LRRIQ3: variants seen among roughly 807,000 people sequenced by gnomAD.
LRRIQ3 encodes leucine-rich repeat and IQ domain-containing protein 3.
In LRRIQ3, 75 loss-of-function variants were observed where a neutral mutation model predicts 59.3. The ratio of observed to expected loss-of-function variants is 1.26; its 90% CI spans 1.05 to 1.53. LRRIQ3 has a LOEUF of 1.53. Among genes scored for constraint, LRRIQ3 ranks in the 40% most tolerant of loss-of-function variants. The probability of loss-of-function intolerance (pLI) is 0.00; values close to 1 mark genes in which losing one functional copy is unlikely to be tolerated. For missense variants in LRRIQ3, 831 were observed against 710.0 expected, an observed-to-expected ratio of 1.17 and a Z score of -1.94; for synonymous variants, 250 against 231.3, an observed-to-expected ratio of 1.08 and a Z score of -0.73.
At chr1:74,061,911 G>A (rs1190280030) in intron 6 of LRRIQ3, among the ~76,000 whole-genome samples, 1 of 152,112 alleles carries the variant, frequency 6.6e-6, no homozygotes, top group Non-Finnish European at 1.5e-5. Context: ...GCACATGCCT[G>A]TAGTCACAGC....
At chr1:74,183,816 C>G in intron 1 of LRRIQ3, 132 bp from the exon 2 acceptor site, 3 of 670,388 alleles carry the variant, frequency 4.5e-6, no homozygotes, top group Non-Finnish European at 6.8e-6. Flanking sequence ...AAAACTCATT[C>G]TTATAGAACT....
chr1:74,134,746 C>CA (rs1249603437), intron 4 of LRRIQ3, among the ~76,000 whole-genome samples: 4 of 149,312 alleles, frequency 2.7e-5, no homozygotes, highest in Admixed American at 2.0e-4. Flanking sequence ...GAGAAAATAA[C>CA]AAAAAACACA....
chr1:74,170,411 T>C (rs2100698038), intron 3 of LRRIQ3, among the ~76,000 whole-genome samples: 1 of 152,326 alleles, frequency 6.6e-6, no homozygotes, highest in African/African-American at 2.4e-5. Context: ...ACATCATCTA[T>C]TGAAGAGAAT....
In LRRIQ3 at chr1:74,122,155, C is replaced by T. The variant is rs1646868480; in HGVS notation, c.708-12602G>A. On this transcript the variant is annotated intron_variant, in intron 4 of 7. Coordinates refer to ENST00000354431, the MANE Select transcript of LRRIQ3 (RefSeq NM_001105659.2). ...CTAGTTCTAGATCCCTGAGGAATCG[C>T]CACACTGACTTCCACAATGGTTGAA... Among the ~76,000 whole-genome samples, 3 of 152,274 alleles carry T rather than the reference C, an allele frequency of 2.0e-5. No homozygotes were observed. In the South Asian group the frequency reaches 6.2e-4, roughly 32 times the overall value.
chr1:74,197,298 T>A (rs1259498336), intron 1 of LRRIQ3, among the ~76,000 whole-genome samples: 1 of 152,178 alleles, frequency 6.6e-6, no homozygotes, highest in Non-Finnish European at 1.5e-5. Context: ...AATCAAACGG[T>A]ATGGTGAAAT....
chr1:74,038,462 C>G (rs529094611), intron 7 of LRRIQ3, among the ~76,000 whole-genome samples: 2 of 152,312 alleles, frequency 1.3e-5, no homozygotes, highest in Non-Finnish European at 2.9e-5. Flanking sequence ...AAGGGATGGT[C>G]AAAGTGCTTC....
At chr1:74,065,862 A>C (rs1390749309) in intron 6 of LRRIQ3, among the ~76,000 whole-genome samples, 1 of 152,156 alleles carries the variant, frequency 6.6e-6, no homozygotes, top group Non-Finnish European at 1.5e-5. Context: ...TGAAGCATTT[A>C]TAATAGTTGT....
intron 5 of LRRIQ3, among the ~76,000 whole-genome samples, chr1:74,087,583 A>G (rs919668010): frequency 6.6e-6 from 1 of 151,810 alleles, no homozygotes; most frequent in Non-Finnish European, 1.5e-5. Context: ...AAAAAGGCAC[A>G]TAAGAGCATA....
intron 3 of LRRIQ3, among the ~76,000 whole-genome samples, chr1:74,158,734 C>G (rs1290009021): frequency 6.6e-6 from 1 of 152,204 alleles, no homozygotes; most frequent in East Asian, 1.9e-4. Context: ...AAGAAGCACC[C>G]TGCTCTTTAT....
chr1:74,064,504 T>G (rs1654815952), intron 6 of LRRIQ3, among the ~76,000 whole-genome samples: 1 of 152,010 alleles, frequency 6.6e-6, no homozygotes, highest in South Asian at 2.1e-4. Flanking sequence ...TTATTAGCAC[T>G]CTGTTTTTTC....
chr1:74,028,721 A>T (rs1042656709), intron 7 of LRRIQ3, among the ~76,000 whole-genome samples: 59 of 151,884 alleles, frequency 3.9e-4, no homozygotes, highest in African/African-American at 1.4e-3. Context: ...ATTTTTTTTC[A>T]TCTTTATAAA....
chr1:74,160,322 C>CA (rs912626708), intron 3 of LRRIQ3, among the ~76,000 whole-genome samples: 13 of 152,090 alleles, frequency 8.5e-5, no homozygotes, highest in African/African-American at 3.1e-4. Context: ...ACAGGCTCTT[C>CA]ACTCATGCCA....
At chr1:74,090,963 A>T (rs536973264) in intron 5 of LRRIQ3, among the ~76,000 whole-genome samples, 1 of 152,204 alleles carries the variant, frequency 6.6e-6, no homozygotes, top group South Asian at 2.1e-4. Flanking sequence ...ATTAGGAAAG[A>T]GCTACCAAGA....
chr1:74,080,520 TAA>T (rs969702953), intron 5 of LRRIQ3, among the ~76,000 whole-genome samples: 2 of 151,704 alleles, frequency 1.3e-5, no homozygotes, highest in African/African-American at 4.8e-5. Context: ...AGATCAAGAA[TAA>T]ACACTTTACA....
At chr1:74,133,607 C>A (rs1647065930) in intron 4 of LRRIQ3, among the ~76,000 whole-genome samples, 1 of 150,242 alleles carries the variant, frequency 6.7e-6, no homozygotes, top group Non-Finnish European at 1.5e-5. Context: ...CAAACTATTG[C>A]AAGGACGAAA....
chr1:74,070,037 T>G (rs535355419), intron 6 of LRRIQ3, among the ~76,000 whole-genome samples: 163 of 152,216 alleles, frequency 1.1e-3, no homozygotes, highest in Middle Eastern at 3.4e-3. Flanking sequence ...GAATGTAAAT[T>G]AGTTCACCCA....
intron 7 of LRRIQ3, among the ~76,000 whole-genome samples, chr1:74,027,809 A>G (rs1438840583): frequency 1.3e-5 from 2 of 152,092 alleles, no homozygotes; most frequent in Non-Finnish European, 2.9e-5. Flanking sequence ...ATGTAACTAC[A>G]TGAAGCTTAT....
At chr1:74,094,281 T>A (rs1646425296) in intron 5 of LRRIQ3, among the ~76,000 whole-genome samples, 1 of 152,040 alleles carries the variant, frequency 6.6e-6, no homozygotes, top group South Asian at 2.1e-4. Flanking sequence ...TCATAACACT[T>A]TATAGGCAAA....
chr1:74,115,829 G>A (rs1425171301), intron 4 of LRRIQ3, among the ~76,000 whole-genome samples: 1 of 151,826 alleles, frequency 6.6e-6, no homozygotes, highest in East Asian at 1.9e-4. Flanking sequence ...ATTCCCAAAG[G>A]AATCTGAACC....
Sources: gnomAD v4.1 joint callset for allele counts (sites outside exome capture counted in the v4.1 genomes callset) on GRCh38, gnomAD v4.1.1 for gene constraint, MANE v1.5 for transcripts, NCBI Gene and HGNC (gene_info 2026-07-23, HGNC 2026-07-21) for gene names.